The following STOX2 variants were observed in gnomAD, a reference collection of about 807,000 sequenced individuals.
STOX2 encodes storkhead box 2.
A neutral mutation model predicts 60.9 loss-of-function variants in STOX2; 28 were observed. The ratio of observed to expected loss-of-function variants is 0.46; its 90% CI spans 0.34 to 0.63. The LOEUF (loss-of-function observed/expected upper bound fraction) is 0.63. STOX2 is among the 30% of genes least tolerant of loss of function. The pLI is 0.01. For synonymous variants in STOX2, 472 were observed against 463.9 expected (o/e 1.02, Z -0.22); for missense variants, 1,024 against 1,187.7 (o/e 0.86, Z 2.03).
chr4:183,998,968 C>T (rs1235237078), intron 1 of STOX2, among the ~76,000 whole-genome samples: 2 of 152,134 alleles, frequency 1.3e-5, no homozygotes, highest in Non-Finnish European at 2.9e-5. Flanking sequence ...AGGAGGATCT[C>T]TTGAGTTCAA....
At chr4:183,860,845 G>T (rs1379225008) in intron 1 of STOX2, among the ~76,000 whole-genome samples, 3 of 152,158 alleles carry the variant, frequency 2.0e-5, no homozygotes, top group African/African-American at 7.2e-5. Context: ...AAAAGCAAAC[G>T]ATTCCATTTC....
chr4:183,861,286 G>A (rs2111154223), intron 1 of STOX2, among the ~76,000 whole-genome samples: 1 of 126,352 alleles, frequency 7.9e-6, no homozygotes, highest in African/African-American at 2.8e-5. Flanking sequence ...CCCCCAGGTG[G>A]GAGTGGACTG....
intron 1 of STOX2, among the ~76,000 whole-genome samples, chr4:183,949,427 T>C (rs1743000638): frequency 6.6e-6 from 1 of 152,148 alleles, no homozygotes. Flanking sequence ...AGGCCAGGCG[T>C]GGTGGCTCAT....
chr4:183,973,865 A>G (rs1036481085), intron 1 of STOX2, among the ~76,000 whole-genome samples: 2 of 152,122 alleles, frequency 1.3e-5, no homozygotes, highest in African/African-American at 2.4e-5. Flanking sequence ...GTGGTGGCGC[A>G]TGCCTGTAGT....
At chr4:183,827,532 A>T (rs1334542043) in intron 1 of STOX2, among the ~76,000 whole-genome samples, 1 of 151,982 alleles carries the variant, frequency 6.6e-6, no homozygotes, top group Non-Finnish European at 1.5e-5. Context: ...AATTGGAGGG[A>T]ATGAGAGAAT....
At chr4:183,879,875 A>G (rs1442071020) in intron 1 of STOX2, among the ~76,000 whole-genome samples, 1 of 152,150 alleles carries the variant, frequency 6.6e-6, no homozygotes, top group Non-Finnish European at 1.5e-5. Flanking sequence ...AGGCGATAGT[A>G]CGACATGGTG....
chr4:183,889,390 G>T (rs530198529), intron 1 of STOX2, among the ~76,000 whole-genome samples: 1 of 152,124 alleles, frequency 6.6e-6, no homozygotes, highest in Non-Finnish European at 1.5e-5. Context: ...GAGGCCAGGG[G>T]CAGGGCATGG....
At chr4:183,929,987 C>T (rs1424589114) in intron 1 of STOX2, among the ~76,000 whole-genome samples, 1 of 151,926 alleles carries the variant, frequency 6.6e-6, no homozygotes, top group Non-Finnish European at 1.5e-5. Flanking sequence ...CCTCAGCCTC[C>T]CGAGTAGCTG....
intron 1 of STOX2, among the ~76,000 whole-genome samples, chr4:183,900,212 A>G (rs1741433300): frequency 6.6e-6 from 1 of 152,186 alleles, no homozygotes; most frequent in Admixed American, 6.5e-5. Context: ...ATCACTGAAG[A>G]GCTCTGATGG....
chr4:183,879,710 G>A (rs988353767), intron 1 of STOX2, among the ~76,000 whole-genome samples: 4 of 152,086 alleles, frequency 2.6e-5, no homozygotes, highest in Admixed American at 1.3e-4. Flanking sequence ...TAGTTGATTT[G>A]CTGCTGATGA....
At chr4:183,998,317 C>T (rs17090674) in intron 1 of STOX2, among the ~76,000 whole-genome samples, 34,088 of 152,044 alleles carry the variant, frequency 0.22, 4,571 homozygotes, top group Non-Finnish European at 0.29. Context: ...ACTTTCAGGT[C>T]CATATGGCTA....
At chr4:183,834,124 A>G (rs1020797670) in intron 1 of STOX2, among the ~76,000 whole-genome samples, 1 of 152,142 alleles carries the variant, frequency 6.6e-6, no homozygotes, top group Non-Finnish European at 1.5e-5. Context: ...TAGAATGGCT[A>G]CAGCAGTGTT....
At chr4:183,857,336 A>G (rs2111149332) in intron 1 of STOX2, among the ~76,000 whole-genome samples, 1 of 151,310 alleles carries the variant, frequency 6.6e-6, no homozygotes, top group African/African-American at 2.4e-5. Context: ...GTTATCCCAT[A>G]GGACTGGTTG....
At chr4:183,965,148 C>T (rs1248327876) in intron 1 of STOX2, among the ~76,000 whole-genome samples, 2 of 152,194 alleles carry the variant, frequency 1.3e-5, no homozygotes, top group Non-Finnish European at 2.9e-5. Flanking sequence ...TTTAGCCACT[C>T]ATGGCACCAG....
At chr4:183,988,147 G>C (rs1732931898) in intron 1 of STOX2, 1 of 152,168 alleles carries the variant, frequency 6.6e-6, no homozygotes. Flanking sequence ...ACAGACAAAG[G>C]AGCCTGCACA....
At chr4:183,839,064 C>T (rs973809543) in intron 1 of STOX2, among the ~76,000 whole-genome samples, 15 of 152,218 alleles carry the variant, frequency 9.9e-5, no homozygotes, top group Admixed American at 9.2e-4. Flanking sequence ...CACACACACA[C>T]ACACACAGAG....
At chr4:183,900,103 T>TA (rs1229863784) in intron 1 of STOX2, among the ~76,000 whole-genome samples, 1 of 152,212 alleles carries the variant, frequency 6.6e-6, no homozygotes, top group East Asian at 1.9e-4. Context: ...CAACATGGTT[T>TA]ACTGAATATT....
At chr4:183,871,055 T>C (rs1740677701) in intron 1 of STOX2, among the ~76,000 whole-genome samples, 2 of 152,346 alleles carry the variant, frequency 1.3e-5, no homozygotes, top group Non-Finnish European at 2.9e-5. Flanking sequence ...TTAGATGGCC[T>C]TATTTGCTTT....
chr4:183,924,344 G>A (rs1432241735), intron 1 of STOX2, among the ~76,000 whole-genome samples: 2 of 152,100 alleles, frequency 1.3e-5, no homozygotes, highest in Non-Finnish European at 2.9e-5. Context: ...TGAGTAAGGG[G>A]GGCTGGACCC....
Sources: gnomAD v4.1 joint callset for allele counts (sites outside exome capture counted in the v4.1 genomes callset) on GRCh38, gnomAD v4.1.1 for gene constraint, MANE v1.5 for transcripts, NCBI Gene and HGNC (gene_info 2026-07-23, HGNC 2026-07-21) for gene names.